CCDC62: variants seen among roughly 807,000 people sequenced by gnomAD.
The protein encoded by CCDC62 is coiled-coil domain-containing protein 62.
CCDC62 carries 72 observed loss-of-function variants against 80.8 expected under a neutral mutation model. The ratio of observed to expected loss-of-function variants is 0.89; its 90% CI spans 0.74 to 1.08. The LOEUF is 1.08. Among genes scored for constraint, CCDC62 ranks in the 50% least tolerant of loss-of-function variants. The pLI is 0.00. For synonymous variants in CCDC62, 286 were observed against 296.5 expected (o/e 0.96, Z 0.36); for missense variants, 704 against 809.4 (o/e 0.87, Z 1.58).
At chr12:122,816,008 A>G (rs530253704) in intron 11 of CCDC62, among the ~76,000 whole-genome samples, 1 of 152,160 alleles carries the variant, frequency 6.6e-6, no homozygotes, top group Non-Finnish European at 1.5e-5. Flanking sequence ...AGTTCCCTGG[A>G]GCAGTTTCTA....
At chr12:122,778,751 C>T (rs527571774) in intron 2 of CCDC62, among the ~76,000 whole-genome samples, 8 of 152,072 alleles carry the variant, frequency 5.3e-5, no homozygotes, top group Admixed American at 2.0e-4. Flanking sequence ...TGGTGGTGGG[C>T]GCCTGTAGTC....
intron 11 of CCDC62, among the ~76,000 whole-genome samples, chr12:122,820,061 C>CAAAAAAAAAAA (rs34620795): frequency 1.2e-4 from 7 of 58,060 alleles, no homozygotes; most frequent in East Asian, 5.8e-4. Flanking sequence ...GATCCTGTCT[C>CAAAAAAAAAAA]AAAAAAAAAA....
chr12:122,813,454 A>G (rs367898939), intron 11 of CCDC62, 35 bp downstream of exon 11: 135 of 1,584,322 alleles, frequency 8.5e-5, no homozygotes, highest in Non-Finnish European at 1.1e-4. Context: ...TATATTTGTC[A>G]CATCCAAACA....
intron 6 of CCDC62, among the ~76,000 whole-genome samples, chr12:122,797,043 T>A (rs2031002677): frequency 6.6e-6 from 1 of 151,936 alleles, no homozygotes. Context: ...CACACCCGGC[T>A]AAATTTGTAT....
rs138978171 is a variant in CCDC62 at position 122,813,936 on chromosome 12, C to T, written c.2001+517C>T. Among the ~76,000 whole-genome samples, 430 of 151,848 alleles carry T rather than the reference C, an allele frequency of 2.8e-3. 3 individuals are homozygous for T. Among genetic ancestry groups the T allele is most frequent in the African/African-American group, 9.9e-3 (410 of 41,440 alleles). ...CCTCCCAAAGTGCTAGGATTACAGG[C>T]GTGAGCCACCACGGCCAGCTGGAAA... On this transcript the variant is annotated intron_variant, in intron 11 of 12. Transcript: ENST00000253079.
At chr12:122,821,093 C>G (rs1256103993) in intron 11 of CCDC62, among the ~76,000 whole-genome samples, 1 of 152,064 alleles carries the variant, frequency 6.6e-6, no homozygotes, top group East Asian at 1.9e-4. Context: ...CATTCCTCCC[C>G]CTTACCTCTC....
intron 2 of CCDC62, among the ~76,000 whole-genome samples, chr12:122,779,760 T>C (rs1174616927): frequency 6.6e-6 from 1 of 151,696 alleles, no homozygotes; most frequent in African/African-American, 2.4e-5. Flanking sequence ...ATACAAAAAT[T>C]AGCAGGGTGT....
chr12:122,801,002 T>C (rs1310804299), intron 8 of CCDC62, 122 bp from the exon 9 acceptor site: 1 of 1,042,946 alleles, frequency 9.6e-7, no homozygotes, highest in African/African-American at 1.6e-5. Context: ...GGAATTGGGC[T>C]CTGAGGTTCA....
At chr12:122,782,788 G>A (rs1451477403) in intron 3 of CCDC62, among the ~76,000 whole-genome samples, 1 of 151,338 alleles carries the variant, frequency 6.6e-6, no homozygotes, top group Non-Finnish European at 1.5e-5. Context: ...TAATGTTAGT[G>A]GCATATTGGG....
At chr12:122,799,499 T>A (rs1305606868) in intron 8 of CCDC62, among the ~76,000 whole-genome samples, 1 of 152,214 alleles carries the variant, frequency 6.6e-6, no homozygotes, top group African/African-American at 2.4e-5. Context: ...CTGCTTGCCT[T>A]ATTAATAGGA....
At chr12:122,797,256 TTG>T (rs2031017160) in intron 6 of CCDC62, 49 bp from the exon 7 acceptor site, 1 of 858,558 alleles carries the variant, frequency 1.2e-6, no homozygotes, top group Admixed American at 1.8e-5. Context: ...ATGGAGAGGT[TTG>T]TGTGGCTATA....
At chr12:122,787,123 A>C (rs1196311111) in intron 4 of CCDC62, among the ~76,000 whole-genome samples, 1 of 152,074 alleles carries the variant, frequency 6.6e-6, no homozygotes, top group Non-Finnish European at 1.5e-5. Context: ...GCATTTCCCC[A>C]CCATTAAAAC....
intron 1 of CCDC62, chr12:122,776,885 T>C: frequency 6.6e-6 from 1 of 152,504 alleles, no homozygotes; most frequent in Non-Finnish European, 1.5e-5. Flanking sequence ...AACCTCTGCC[T>C]CCAGGGTTCA....
At chr12:122,817,780 C>G (rs185468045) in intron 11 of CCDC62, among the ~76,000 whole-genome samples, 111 of 152,152 alleles carry the variant, frequency 7.3e-4, no homozygotes, top group Non-Finnish European at 1.1e-3. Flanking sequence ...TAGTGTAGCT[C>G]TGTGTGTGTG....
At chr12:122,806,855 A>AG (rs2031635059) in intron 10 of CCDC62, among the ~76,000 whole-genome samples, 1 of 151,362 alleles carries the variant, frequency 6.6e-6, no homozygotes, top group East Asian at 1.9e-4. Context: ...GTAAAAAAAA[A>AG]AAGAAAGAAA....
chr12:122,814,823 G>A (rs185464387), intron 11 of CCDC62, among the ~76,000 whole-genome samples: 81 of 148,264 alleles, frequency 5.5e-4, no homozygotes, highest in Non-Finnish European at 9.5e-4. Context: ...TTAATTTTGT[G>A]TATTTATTTA....
intron 5 of CCDC62, among the ~76,000 whole-genome samples, chr12:122,789,480 T>C (rs1177663693): frequency 2.0e-5 from 3 of 152,262 alleles, no homozygotes; most frequent in African/African-American, 7.2e-5. Flanking sequence ...TCACCCAGGC[T>C]GGAGTGCGGT....
At chr12:122,789,057 C>T in intron 5 of CCDC62, 128 bp downstream of exon 5, 1 of 666,500 alleles carries the variant, frequency 1.5e-6, no homozygotes, top group East Asian at 3.0e-5. Context: ...CGTGAAATAT[C>T]CATTTCATTT....
At chr12:122,786,462 T>G (rs1421252624) in intron 4 of CCDC62, among the ~76,000 whole-genome samples, 14 of 151,810 alleles carry the variant, frequency 9.2e-5, no homozygotes. Flanking sequence ...GTTTTTTTAA[T>G]GGAGAGAAAA....
Sources: gnomAD v4.1 joint callset for allele counts (sites outside exome capture counted in the v4.1 genomes callset) on GRCh38, gnomAD v4.1.1 for gene constraint, MANE v1.5 for transcripts, NCBI Gene and HGNC (gene_info 2026-07-23, HGNC 2026-07-21) for gene names.